The following CD8A variants were observed in gnomAD, a reference collection of about 807,000 sequenced individuals.
CD8A encodes the protein T-cell surface glycoprotein CD8 alpha chain.
Under a neutral mutation model 24.2 loss-of-function variants are expected in CD8A, and 25 were observed. That is an observed-to-expected ratio of 1.03 (90% confidence interval 0.75 to 1.44). CD8A has a LOEUF of 1.44. Among genes scored for constraint, CD8A ranks in the 40% most tolerant of loss-of-function variants. The pLI is 0.00. For synonymous variants in CD8A, 165 were observed against 149.9 expected (o/e 1.10, Z -0.74); for missense variants, 360 against 319.7 (o/e 1.13, Z -0.96).
chr2:86,795,411 G>C (rs1558737921), upstream of CD8A, among the ~76,000 whole-genome samples: 1 of 152,198 alleles, frequency 6.6e-6, no homozygotes, highest in Non-Finnish European at 1.5e-5. Flanking sequence ...GTCTGATCAA[G>C]ATCAGCTGAT....
At chr2:86,800,547 C>T (rs575382810) in intron 3 of CD8A, among the ~76,000 whole-genome samples, 2 of 151,764 alleles carry the variant, frequency 1.3e-5, no homozygotes, top group Non-Finnish European at 2.9e-5. Context: ...TTTCTAATAC[C>T]CCAACACTTT....
At chr2:86,807,776 A>C (rs1167214925) in exon 2 of CD8A, 1 of 152,624 alleles carries the variant, frequency 6.6e-6, no homozygotes. Flanking sequence ...GGTGTGCCTG[A>C]ATCAGCCTAA....
chr2:86,800,576 G>A (rs1673639148), intron 3 of CD8A, among the ~76,000 whole-genome samples: 1 of 152,052 alleles, frequency 6.6e-6, no homozygotes, highest in African/African-American at 2.4e-5. Flanking sequence ...ATCAATTTCA[G>A]CAATCGTTTT....
chr2:86,787,679 G>T (rs572851272), intron 5 of CD8A, among the ~76,000 whole-genome samples: 1 of 152,112 alleles, frequency 6.6e-6, no homozygotes, highest in Non-Finnish European at 1.5e-5. Flanking sequence ...TTCATCAAAT[G>T]GTTATTACTA....
rs1323586894 is a variant in CD8A at position 86,788,528 on chromosome 2, A to G, written c.656+2T>C. 2 of 1,612,768 alleles carry G rather than the reference A, an allele frequency of 1.2e-6. No homozygotes were observed. The highest frequency in any genetic ancestry group is 1.3e-5 in the African/African-American group (1 of 74,824). ...AGCAGGCTGAGTTCAAAAGAGACTC[A>G]CCGGGGACATTTGCAAACACGTCTT... On this transcript the variant is annotated splice_donor_variant, in intron 5 of 5. Coordinates refer to ENST00000283635, the MANE Select transcript of CD8A (RefSeq NM_001768.7). LOFTEE classifies it high-confidence loss of function.
Position 86,785,598 on chromosome 2 carries a change from T to G in CD8A, c.*322A>C. Reference sequence around the variant, plus strand: ...CTTTGTAAAACGGGCGGGGAAGAGGTTGAGATGGCATGGGTGCCTCCAGCT... The same window carrying G: ...CTTTGTAAAACGGGCGGGGAAGAGGGTGAGATGGCATGGGTGCCTCCAGCT... On this transcript the variant is annotated 3_prime_UTR_variant, in exon 6 of 6. Transcript: ENST00000283635. 1.8e-6 allele frequency: 1 copy of G among 569,470 alleles called. No homozygotes were observed. The highest frequency in any genetic ancestry group is 3.3e-6 in the Non-Finnish European group (1 of 301,278). The allele number at this position is 569,470 out of a possible 1,614,324, so 35.3% of individuals were successfully genotyped here. A position where few individuals can be genotyped will look rare whatever the true frequency, so the allele number is the denominator to read the frequency against.
intron 2 of CD8A, 46 bp from the exon 3 acceptor site, chr2:86,789,796 G>A: frequency 9.6e-7 from 1 of 1,038,902 alleles, no homozygotes; most frequent in Admixed American, 4.1e-5. Context: ...TGGGGTTATG[G>A]AGGCGCCCCA....
At chr2:86,798,932 T>C (rs1440577221) in intron 3 of CD8A, among the ~76,000 whole-genome samples, 1 of 152,264 alleles carries the variant, frequency 6.6e-6, no homozygotes, top group Non-Finnish European at 1.5e-5. Context: ...ATAAATGCTA[T>C]ATAATTTTAT....
At chr2:86,790,720 G>GGGGCCCCCC in intron 1 of CD8A, 39 bp from the exon 2 acceptor site, 1 of 1,516,674 alleles carries the variant, frequency 6.6e-7, no homozygotes, top group Non-Finnish European at 8.9e-7. Context: ...CCGCAGTCCC[G>GGGGCCCCCC]CGCCCCCCGC....
intron 5 of CD8A, among the ~76,000 whole-genome samples, chr2:86,786,827 T>C (rs561498128): frequency 4.6e-5 from 7 of 151,890 alleles, no homozygotes; most frequent in South Asian, 2.1e-4. Context: ...GAGACCATCC[T>C]GGCTAACACG....
chr2:86,807,072 A>C (rs1245967727), intron 2 of CD8A, among the ~76,000 whole-genome samples: 1 of 152,162 alleles, frequency 6.6e-6, no homozygotes, highest in Non-Finnish European at 1.5e-5. Context: ...CTGAACAAAA[A>C]GAAGCGTTGA....
rs1322717095 is a variant in CD8A, at chr2:86,789,650, C to T, written c.504G>A (p.Ala168=). The T allele has an allele frequency of 1.1e-5, 17 of 1,480,192 alleles. No homozygotes were observed. Among genetic ancestry groups the T allele is most frequent in the African/African-American group, 1.4e-5 (1 of 70,188 alleles). The allele number at this position is 1,480,192 out of a possible 1,614,324, so 91.7% of individuals were successfully genotyped here. ...SLRPEACRPA[A]GGAVHTRGLD... is the part of the protein sequence containing the mutation. Reference sequence around the variant, plus strand: ...CCCCGCACGCCTCACCTGCGCCCCCCGCCGCTGGCCGGCACGCCTCTGGGC... The same window carrying T: ...CCCCGCACGCCTCACCTGCGCCCCCTGCCGCTGGCCGGCACGCCTCTGGGC... The change falls in exon 3 of 6, where the codon GCG becomes GCA. Residue 168 remains alanine, a synonymous_variant. Coordinates refer to ENST00000283635, the MANE Select transcript of CD8A (RefSeq NM_001768.7).
At chr2:86,791,799 AC>A (rs895447145), upstream of CD8A, 5 of 386,364 alleles carry the variant, frequency 1.3e-5, no homozygotes, top group Admixed American at 1.2e-4. Flanking sequence ...AAGTCATTCA[AC>A]CCCTGCGCTC....
intron 3 of CD8A, 42 bp from the exon 4 acceptor site, chr2:86,789,475 G>C (rs772053690): frequency 3.7e-5 from 55 of 1,505,926 alleles, no homozygotes; most frequent in Non-Finnish European, 5.0e-5. Flanking sequence ...GAGGGCCCGG[G>C]ACCTCCCAAC....
In CD8A at chr2:86,790,367, T is replaced by G. The variant is rs199855213; in HGVS notation, c.364A>C (p.Ile122Leu). The change falls in exon 2 of 6, where the codon ATC becomes CTC. Residue 122 changes from isoleucine (I) to leucine (L), a missense_variant. Ile to Leu is a conservative substitution (Grantham distance 5, BLOSUM62 2). Coordinates refer to ENST00000283635, the MANE Select transcript of CD8A (RefSeq NM_001768.7). ...YYFCSALSNSIMYFSHFVPVF... is the reference protein window; with the variant it reads ...YYFCSALSNSLMYFSHFVPVF... Reference sequence around the variant, plus strand: ...GGCACGAAGTGGCTGAAGTACATGATGGAGTTGCTCAGGGCCGAGCAGAAA... The same window carrying G: ...GGCACGAAGTGGCTGAAGTACATGAGGGAGTTGCTCAGGGCCGAGCAGAAA... 1 of 1,613,906 alleles carries G rather than the reference T, an allele frequency of 6.2e-7. No individual in the cohort carries two copies. The highest frequency in any genetic ancestry group is 8.5e-7 in the Non-Finnish European group (1 of 1,179,970).
chr2:86,785,093 A>G lies in CD8A; in HGVS notation c.*827T>C, dbSNP rs1573454912. The G allele has an allele frequency of 2.2e-6, 1 of 454,004 alleles. No homozygotes were observed. The highest frequency in any genetic ancestry group is 4.4e-6 in the Non-Finnish European group (1 of 226,772). The allele number at this position is 454,004 out of a possible 1,614,324, so 28.1% of individuals were successfully genotyped here. On this transcript the variant is annotated 3_prime_UTR_variant, in exon 6 of 6. Transcript: ENST00000283635. ...TTAACCTCACTGATGCTCAAATTCT[A>G]TTTGTAAAGGGGTAGCCTGTCCTCT...
chr2:86,806,092 G>C (rs1455013894), intron 2 of CD8A, among the ~76,000 whole-genome samples: 2 of 152,206 alleles, frequency 1.3e-5, no homozygotes, highest in Admixed American at 1.3e-4. Flanking sequence ...TCTTTTGAGT[G>C]CTGGCCTGGG....
chr2:86,789,922 G>C (rs1007704745), intron 2 of CD8A, among the ~76,000 whole-genome samples, 172 bp from the exon 3 acceptor site: 2 of 152,188 alleles, frequency 1.3e-5, no homozygotes, highest in South Asian at 4.1e-4. Context: ...CCCTGTGCTC[G>C]GGCCTCGGCT....
intron 2 of CD8A, among the ~76,000 whole-genome samples, chr2:86,805,892 C>T (rs1004421171): frequency 6.6e-6 from 1 of 152,032 alleles, no homozygotes; most frequent in Non-Finnish European, 1.5e-5. Context: ...GGGAAAAATA[C>T]ACTGCATCCA....
Sources: allele counts gnomAD v4.1 joint callset (sites outside exome capture counted in the v4.1 genomes callset), GRCh38; gene constraint gnomAD v4.1.1; transcripts MANE v1.5; gene names NCBI Gene and HGNC (gene_info 2026-07-23, HGNC 2026-07-21).